Variants in SAMD8 observed in about 807,000 individuals in gnomAD.
The protein encoded by SAMD8 is sphingomyelin synthase-related protein 1.
SAMD8 carries 20 observed loss-of-function variants against 42.0 expected under a neutral mutation model. The ratio of observed to expected loss-of-function variants is 0.48; its 90% CI spans 0.34 to 0.69. SAMD8 has a LOEUF of 0.69. SAMD8 is among the 30% of genes least tolerant of loss of function. The pLI is 0.01. For synonymous variants in SAMD8, 162 were observed against 173.0 expected, an observed-to-expected ratio of 0.94 and a Z score of 0.50; for missense variants, 328 against 511.6, an observed-to-expected ratio of 0.64 and a Z score of 3.46.
rs888057869 is a variant in SAMD8, at chr10:75,178,436, A to T, written c.*1744A>T. On this transcript the variant is annotated 3_prime_UTR_variant, in exon 6 of 6. Coordinates refer to ENST00000542569, the MANE Select transcript of SAMD8 (RefSeq NM_001174156.2). ...AAAGGATGTTTCCTATGCCAGTTAG[A>T]GTGGTTTGACCCTTCAGGTAAAAAG... 1.3e-5 allele frequency: 2 copies of T among 152,216 alleles called. No homozygotes were observed. The highest frequency in any genetic ancestry group is 4.8e-5 in the African/African-American group (2 of 41,460). 9.4% of individuals were successfully genotyped at this position (152,216 alleles called of 1,614,324 possible).
intron 4 of SAMD8, among the ~76,000 whole-genome samples, chr10:75,173,632 C>T (rs1290478849): frequency 1.3e-5 from 2 of 152,078 alleles, no homozygotes; most frequent in East Asian, 1.9e-4. Context: ...TCTCTAAGCC[C>T]GTGTTCATAG....
intron 1 of SAMD8, among the ~76,000 whole-genome samples, chr10:75,134,600 A>C (rs1849343888): frequency 6.6e-6 from 1 of 151,818 alleles, no homozygotes; most frequent in Non-Finnish European, 1.5e-5. Flanking sequence ...ACGCCACTGC[A>C]CTCCAGCTTG....
rs149582473 is a variant in SAMD8 at position 75,167,169 on chromosome 10, T to A, written c.675-1372T>A. Among the ~76,000 whole-genome samples, 222 of 152,370 alleles carry A rather than the reference T, an allele frequency of 1.5e-3. 3 individuals are homozygous for A. The highest frequency in any genetic ancestry group is 0.01 in the Middle Eastern group (3 of 294). On this transcript the variant is annotated intron_variant, in intron 3 of 5. Transcript: ENST00000542569. ...ATATACTTGATATAAACATTTTTTTTAAAACATAGTGTTTTATAGCTTAAG... is the reference window on the plus strand; with the variant it reads ...ATATACTTGATATAAACATTTTTTTAAAAACATAGTGTTTTATAGCTTAAG...
rs1208490211 is a variant in SAMD8 at position 75,177,946 on chromosome 10, G to A, written c.*1254G>A. Reference sequence around the variant, plus strand: ...ATGACAGTAGGATGGTTATGGAATTGGAATTTAAACTCCCAACTAATGAGC... The same window carrying A: ...ATGACAGTAGGATGGTTATGGAATTAGAATTTAAACTCCCAACTAATGAGC... On this transcript the variant is annotated 3_prime_UTR_variant, in exon 6 of 6. Transcript: ENST00000542569. The A allele has an allele frequency of 6.6e-6, 1 of 152,060 alleles. No homozygotes were observed. The highest frequency in any genetic ancestry group is 1.5e-5 in the Non-Finnish European group (1 of 67,998). The allele number at this position is 152,060 out of a possible 1,614,324, so 9.4% of individuals were successfully genotyped here.
At chr10:75,125,787 C>T (rs1228160602) in intron 1 of SAMD8, 1 of 152,248 alleles carries the variant, frequency 6.6e-6, no homozygotes, top group Admixed American at 6.5e-5. Flanking sequence ...AAGAATCGAA[C>T]TTGTAAAGCC....
chr10:75,164,565 T>G, intron 2 of SAMD8, 80 bp from the exon 3 acceptor site: 1 of 1,546,224 alleles, frequency 6.5e-7, no homozygotes, highest in Non-Finnish European at 8.8e-7. Context: ...AGGTCATTAT[T>G]AAAAGAGCAC....
In SAMD8 at chr10:75,146,316, C is replaced by CTCTTGTTG. The variant is rs537004370; in HGVS notation, c.-15-4197_-15-4190dup. Among the ~76,000 whole-genome samples, 416 of 117,688 alleles carry CTCTTGTTG rather than the reference C, an allele frequency of 3.5e-3. 2 individuals carry two copies. The highest frequency in any genetic ancestry group is 0.013 in the African/African-American group (379 of 29,294). The allele number at this position is 117,688 out of a possible 152,430, so 77.2% of individuals were successfully genotyped here. A position where few individuals can be genotyped will look rare whatever the true frequency, so the allele number is the denominator to read the frequency against. ...TTTTTTTTTTGGAGACAGAGTTTCG[C>CTCTTGTTG]TCTTGTTGCCCAGGCTGGAGTGCAA... On this transcript the variant is annotated intron_variant, in intron 1 of 5. Coordinates refer to ENST00000542569, the MANE Select transcript of SAMD8 (RefSeq NM_001174156.2).
intron 1 of SAMD8, among the ~76,000 whole-genome samples, chr10:75,137,552 A>G (rs1368669633): frequency 6.6e-6 from 1 of 152,104 alleles, no homozygotes; most frequent in Non-Finnish European, 1.5e-5. Flanking sequence ...AAAAAAAAAA[A>G]AGAAAGAAAA....
chr10:75,172,804 A>T (rs997383343), intron 4 of SAMD8, among the ~76,000 whole-genome samples: 3 of 148,178 alleles, frequency 2.0e-5, no homozygotes, highest in African/African-American at 5.0e-5. Context: ...CCTAATTTTA[A>T]TTTTTTTTTT....
intron 1 of SAMD8, chr10:75,105,755 G>A (rs1468222759): frequency 2.6e-6 from 4 of 1,553,458 alleles, no homozygotes; most frequent in Non-Finnish European, 3.5e-6. Flanking sequence ...CATCGGTGCT[G>A]CCTCACGGTG....
chr10:75,145,360 T>G (rs1840107907), intron 1 of SAMD8, among the ~76,000 whole-genome samples: 1 of 152,254 alleles, frequency 6.6e-6, no homozygotes, highest in African/African-American at 2.4e-5. Context: ...GATTGATTGA[T>G]TCTTCTCCTC....
intron 1 of SAMD8, among the ~76,000 whole-genome samples, chr10:75,129,740 T>C (rs1427210461): frequency 6.6e-6 from 1 of 152,166 alleles, no homozygotes; most frequent in Non-Finnish European, 1.5e-5. Flanking sequence ...TGAATACATA[T>C]GATTGGAGAT....
intron 1 of SAMD8, among the ~76,000 whole-genome samples, chr10:75,123,550 C>T (rs1439542271): frequency 6.6e-6 from 1 of 152,160 alleles, no homozygotes; most frequent in Non-Finnish European, 1.5e-5. Flanking sequence ...AATCAAGGCT[C>T]TCCATTTGGC....
chr10:75,123,813 G>GAGAGTAGCTACTCAGCCTC (rs540971655), intron 1 of SAMD8, among the ~76,000 whole-genome samples: 5 of 151,768 alleles, frequency 3.3e-5, no homozygotes, highest in South Asian at 2.1e-4. Context: ...GCCTCAGCCT[G>GAGAGTAGCTACTCAGCCTC]AGAGTAGCTA....
At position 75,176,059 on chromosome 10, in the gene SAMD8, T is replaced by C. The variant is rs986497950; in HGVS notation, c.793-7T>C. On this transcript the variant is annotated splice_region_variant and splice_polypyrimidine_tract_variant and intron_variant, in intron 4 of 5. Coordinates refer to ENST00000542569, the MANE Select transcript of SAMD8 (RefSeq NM_001174156.2). This position sits in a 1 kb window ranked among gnomAD's most constrained non-coding sequence, Gnocchi z 4.3. ...TTGAAGCACTAATTCATAACTTTTC[T>C]TCATAGATATATGGCAGTGTATGGG... The C allele has an allele frequency of 6.2e-7, 1 of 1,608,270 alleles. No homozygotes were observed. The highest frequency in any genetic ancestry group is 1.3e-5 in the African/African-American group (1 of 74,792).
intron 2 of SAMD8, among the ~76,000 whole-genome samples, chr10:75,157,268 G>T (rs1840433643): frequency 6.6e-6 from 1 of 151,982 alleles, no homozygotes; most frequent in African/African-American, 2.4e-5. Context: ...TAGGAACAGA[G>T]AAATTGGAGA....
At chr10:75,124,025 GC>G in intron 1 of SAMD8, among the ~76,000 whole-genome samples, 1 of 152,248 alleles carries the variant, frequency 6.6e-6, no homozygotes, top group East Asian at 1.9e-4. Context: ...ACTGCACCCA[GC>G]CGGTCTTTTG....
intron 4 of SAMD8, among the ~76,000 whole-genome samples, chr10:75,170,112 T>G (rs761019697): frequency 1.3e-5 from 2 of 152,196 alleles, no homozygotes; most frequent in African/African-American, 2.4e-5. Flanking sequence ...AAAATAAGAC[T>G]GTTAAAATCG....
chr10:75,128,222 G>A (rs1849190511), intron 1 of SAMD8, among the ~76,000 whole-genome samples: 1 of 151,676 alleles, frequency 6.6e-6, no homozygotes, highest in South Asian at 2.1e-4. Flanking sequence ...ACAGGCACAT[G>A]CTACCACGTC....
Sources: gnomAD v4.1 joint callset for allele counts (sites outside exome capture counted in the v4.1 genomes callset) on GRCh38, gnomAD v4.1.1 for gene constraint, Gnocchi (gnomAD v3.1) non-coding constraint, MANE v1.5 for transcripts, NCBI Gene and HGNC (gene_info 2026-07-23, HGNC 2026-07-21) for gene names.